The following PTPRN2 variants were observed in gnomAD, a reference collection of about 807,000 sequenced individuals.
The protein encoded by PTPRN2 is protein tyrosine phosphatase receptor type N2.
Under a neutral mutation model 118.8 loss-of-function variants are expected in PTPRN2, and 74 were observed. The ratio of observed to expected loss-of-function variants is 0.62; its 90% confidence interval spans 0.52 to 0.76. The LOEUF (loss-of-function observed/expected upper bound fraction) is 0.76. PTPRN2 is among the 30% of genes least tolerant of loss of function. PTPRN2 has a pLI of 0.00. For synonymous variants in PTPRN2, 641 were observed against 608.0 expected (o/e 1.05, Z -0.80); for missense variants, 1,481 against 1,394.4 (o/e 1.06, Z -0.99).
rs756627151 is a variant in PTPRN2 at position 157,576,627 on chromosome 7, G to T, written c.2769C>A (p.Leu923=). 38 of 1,611,908 alleles carry T rather than the reference G, an allele frequency of 2.4e-5. No individual in the cohort carries two copies. The highest frequency in any genetic ancestry group is 3.0e-5 in the Non-Finnish European group (35 of 1,179,084). Residue 923 remains leucine (L), a synonymous_variant, in exon 19 of 23, where the codon CTC becomes CTA. Coordinates refer to ENST00000389418, the MANE Select transcript of PTPRN2 (RefSeq NM_002847.5). The part of the protein sequence containing the change: ...DRGVPSSSRS[L]LDFRRKVNKC... ...GCGCGTCATACCTGCGGAAGTCCAG[G>T]AGGGACCTTGAGGAGGAAGGGACTC...
At chr7:158,153,135 C>T (rs1040971550) in intron 6 of PTPRN2, among the ~76,000 whole-genome samples, 1 of 152,152 alleles carries the variant, frequency 6.6e-6, no homozygotes, top group African/African-American at 2.4e-5. Flanking sequence ...GGAACGATGC[C>T]GAGTGTGGCC....
intron 11 of PTPRN2, among the ~76,000 whole-genome samples, chr7:158,052,167 A>G (rs1809374078): frequency 6.6e-6 from 1 of 152,252 alleles, no homozygotes; most frequent in African/African-American, 2.4e-5. Flanking sequence ...GCAGGATTAA[A>G]TTAATATGGC....
chr7:157,669,800 T>A (rs532214461), intron 13 of PTPRN2, among the ~76,000 whole-genome samples: 2 of 152,208 alleles, frequency 1.3e-5, no homozygotes, highest in Admixed American at 6.5e-5. Context: ...TCAGCCCCCA[T>A]CCCTGCGGCG....
chr7:158,372,385 C>T (rs1473038074), intron 2 of PTPRN2, among the ~76,000 whole-genome samples: 1 of 149,070 alleles, frequency 6.7e-6, no homozygotes, highest in Non-Finnish European at 1.5e-5. Context: ...CAGAGCTGGC[C>T]TCCCCAATGC....
At chr7:157,666,241 C>T (rs1406667868) in intron 13 of PTPRN2, among the ~76,000 whole-genome samples, 1 of 152,138 alleles carries the variant, frequency 6.6e-6, no homozygotes, top group Non-Finnish European at 1.5e-5. Flanking sequence ...ATGGAGCTCA[C>T]ATCTTTCCGG....
intron 9 of PTPRN2, among the ~76,000 whole-genome samples, chr7:158,125,938 CCT>C (rs931426324): frequency 3.9e-5 from 6 of 152,182 alleles, no homozygotes; most frequent in Admixed American, 6.5e-5. Context: ...TCGCTGAACC[CCT>C]GAGGGGCTCC....
At chr7:158,482,383 T>G (rs1313177442) in intron 2 of PTPRN2, among the ~76,000 whole-genome samples, 1 of 152,198 alleles carries the variant, frequency 6.6e-6, no homozygotes, top group Non-Finnish European at 1.5e-5. Context: ...TTTGTCTTAT[T>G]TTAAGAAATT....
chr7:158,074,937 T>C (rs1468305204), intron 11 of PTPRN2, among the ~76,000 whole-genome samples: 1 of 152,202 alleles, frequency 6.6e-6, no homozygotes, highest in African/African-American at 2.4e-5. Flanking sequence ...TCCTAGCCCT[T>C]GGTTTAGCAG....
At chr7:158,215,306 TACTC>T (rs1378480961) in intron 3 of PTPRN2, among the ~76,000 whole-genome samples, 1 of 152,138 alleles carries the variant, frequency 6.6e-6, no homozygotes, top group African/African-American at 2.4e-5. Context: ...CAGTAGGAAT[TACTC>T]AATGTCAACA....
intron 3 of PTPRN2, among the ~76,000 whole-genome samples, chr7:158,274,151 G>A (rs1386094902): frequency 8.7e-6 from 1 of 114,724 alleles, no homozygotes; most frequent in Non-Finnish European, 1.8e-5. Context: ...GGGAGCCGCA[G>A]ACACAGGGGG....
At chr7:158,139,388 A>G (rs1464316146) in intron 6 of PTPRN2, among the ~76,000 whole-genome samples, 1 of 152,192 alleles carries the variant, frequency 6.6e-6, no homozygotes, top group Non-Finnish European at 1.5e-5. Context: ...GTGAATCTGA[A>G]GACAGATCAT....
At chr7:157,571,202 T>TAAA (rs56184271) in intron 20 of PTPRN2, among the ~76,000 whole-genome samples, 2,631 of 129,342 alleles carry the variant, frequency 0.02, 61 homozygotes, top group Middle Eastern at 0.039. Flanking sequence ...GCAACAGAGT[T>TAAA]AAAAAAAAAA....
intron 1 of PTPRN2, among the ~76,000 whole-genome samples, chr7:158,490,538 T>G (rs1821372841): frequency 6.6e-6 from 1 of 152,208 alleles, no homozygotes; most frequent in East Asian, 1.9e-4. Flanking sequence ...CACGCCTGTC[T>G]TAAACACAGA....
In PTPRN2 at chr7:158,186,555, G is replaced by A. The variant is rs550031016; in HGVS notation, c.549+5772C>T. On this transcript the variant is annotated intron_variant, in intron 5 of 22. Transcript: ENST00000389418. ...ACGCCTGGGCTCACCTGCCCCCTCC[G>A]TCAGAAGCCCGCCTGGGCCACCTGC... Among the ~76,000 whole-genome samples, 451 of 149,040 alleles carry A rather than the reference G, an allele frequency of 3.0e-3. 1 individual carries two copies. The highest frequency in any genetic ancestry group is 4.5e-3 in the Non-Finnish European group (302 of 67,382).
intron 11 of PTPRN2, among the ~76,000 whole-genome samples, chr7:158,068,737 G>A (rs1810981157): frequency 6.6e-6 from 1 of 152,162 alleles, no homozygotes; most frequent in Non-Finnish European, 1.5e-5. Context: ...TCGGTCAAGG[G>A]CTGTGAAGCT....
intron 11 of PTPRN2, among the ~76,000 whole-genome samples, chr7:157,923,946 C>G (rs1014185229): frequency 5.9e-5 from 9 of 152,258 alleles, no homozygotes; most frequent in African/African-American, 1.9e-4. Context: ...AGGAGGCTGG[C>G]TTTGGTGTGC....
chr7:157,544,120 T>TGGAGAGAGGC (rs764262396), intron 22 of PTPRN2, among the ~76,000 whole-genome samples: 38 of 131,440 alleles, frequency 2.9e-4, no homozygotes, highest in Middle Eastern at 3.9e-3. Flanking sequence ...TGGAGAGAGA[T>TGGAGAGAGGC]GGAGAGAGGC....
chr7:158,070,412 C>T (rs1452944181), intron 11 of PTPRN2, among the ~76,000 whole-genome samples: 1 of 123,188 alleles, frequency 8.1e-6, no homozygotes, highest in Non-Finnish European at 1.6e-5. Context: ...GGTGGACGTG[C>T]TCGTGGTGGT....
intron 12 of PTPRN2, among the ~76,000 whole-genome samples, chr7:157,885,671 T>C (rs758731730): frequency 2.0e-4 from 31 of 152,244 alleles, no homozygotes; most frequent in Non-Finnish European, 3.2e-4. Context: ...AAAAGTTTCA[T>C]ATTCATGGAG....
Sources: allele counts gnomAD v4.1 joint callset (sites outside exome capture counted in the v4.1 genomes callset), GRCh38; gene constraint gnomAD v4.1.1; transcripts MANE v1.5; gene names NCBI Gene and HGNC (gene_info 2026-07-23, HGNC 2026-07-21).